The following RNF213 variants were observed in gnomAD, a reference collection of about 807,000 sequenced individuals.
RNF213 encodes the protein ring finger protein 213.
RNF213 carries 341 observed loss-of-function variants against 514.4 expected under a neutral mutation model. The ratio of observed to expected loss-of-function variants is 0.66; its 90% CI spans 0.61 to 0.73. The LOEUF is 0.73. Ranked by LOEUF, RNF213 falls within the 30% of genes least tolerant of loss-of-function variation. RNF213 has a pLI of 0.00. For missense variants in RNF213, 5,767 were observed against 6,615.6 expected, an observed-to-expected ratio of 0.87 and a Z score of 4.45; for synonymous variants, 2,655 against 2,658.2, an observed-to-expected ratio of 1.00 and a Z score of 0.04.
At chr17:80,382,835 C>A (rs2144610790) in intron 57 of RNF213, 144 bp from the exon 58 acceptor site, 1 of 660,520 alleles carries the variant, frequency 1.5e-6, no homozygotes, top group Admixed American at 2.3e-5. Context: ...ACAGGAACTA[C>A]TTCAAAATAC....
chr17:80,291,907 G>A, intron 8 of RNF213, 80 bp downstream of exon 8: 1 of 1,492,006 alleles, frequency 6.7e-7, no homozygotes, highest in Non-Finnish European at 9.2e-7. Context: ...CGTCTCTCTG[G>A]AGAGCACAGA....
At chr17:80,284,221 G>T (rs563091255) in intron 3 of RNF213, among the ~76,000 whole-genome samples, 1 of 152,142 alleles carries the variant, frequency 6.6e-6, no homozygotes, top group Admixed American at 6.5e-5. Flanking sequence ...AAAATTAGCC[G>T]GGCATGATGG....
rs540094757 is a variant in RNF213 at position 80,347,168 on chromosome 17, C to T, written c.8833C>T (p.Arg2945Cys). Residue 2945 changes from arginine to cysteine, a missense_variant, in exon 29 of 68, where the codon CGC becomes TGC. By Grantham distance (180) the Arg-to-Cys change is radical. Around this residue, in one of 13 missense-constraint regions of RNF213, gnomAD observed 919 missense variants for 1,121.0 expected, o/e 0.82. Transcript: ENST00000582970. The surrounding 1 kb of genome is among the most constrained non-coding windows in gnomAD (Gnocchi z 7.2). ...CAAAGCCTACGAAACGGTGTGTAAG[C>T]GCCAGGACAAGGAATTCTTCGGGCT... ...FAKAYETVCKRQDKEFFGLRD... is the reference protein window; with the variant it reads ...FAKAYETVCKCQDKEFFGLRD... 2.0e-4 allele frequency: 324 copies of T among 1,613,888 alleles called. 2 individuals carry two copies. The South Asian group carries it at 3.2e-3, about 16-fold the overall frequency.
chr17:80,383,957 C>T (rs199703548), intron 59 of RNF213, 29 bp downstream of exon 59: 2 of 1,614,066 alleles, frequency 1.2e-6, no homozygotes, highest in Non-Finnish European at 1.7e-6. Flanking sequence ...GGCTCCCTCC[C>T]TCTTTCGGTG....
chr17:80,382,486 T>G (rs1568164723), intron 57 of RNF213: 1 of 161,100 alleles, frequency 6.2e-6, no homozygotes, highest in Non-Finnish European at 1.4e-5. Context: ...GCATTCCTAT[T>G]TATTTTCCAT....
At chr17:80,291,957 C>A in intron 8 of RNF213, 130 bp downstream of exon 8, 1 of 948,538 alleles carries the variant, frequency 1.1e-6, no homozygotes, top group South Asian at 1.4e-5. Context: ...TCTGCATTGA[C>A]CCCGCCCCAG....
At chr17:80,308,002 T>C (rs1249936771) in intron 13 of RNF213, among the ~76,000 whole-genome samples, 1 of 152,106 alleles carries the variant, frequency 6.6e-6, no homozygotes, top group Non-Finnish European at 1.5e-5. Flanking sequence ...GCGTTCTGCA[T>C]TTTTTTAATA....
Position 80,334,130 on chromosome 17 carries a change from G to A in RNF213, c.4169G>A (p.Arg1390His), listed in dbSNP as rs752573417. Residue 1390 changes from arginine (R) to histidine (H), a missense_variant, in exon 22 of 68, where the codon CGT becomes CAT. Arg to His is a conservative substitution (Grantham distance 29). Transcript: ENST00000582970. ...ACTGATAACTTCGACGACTTTCGCC[G>A]TGAAACACTGGACCAGATCAACCAG... ...NFTDNFDDFR[R>H]ETLDQINQEL... 119 of 1,537,196 alleles carry A rather than the reference G, an allele frequency of 7.7e-5. No homozygotes were observed. The highest frequency in any genetic ancestry group is 8.8e-5 in the Non-Finnish European group (101 of 1,146,904).
Position 80,363,715 on chromosome 17 carries a change from C to G in RNF213, c.11675C>G (p.Pro3892Arg). Residue 3892 changes from proline to arginine, a missense_variant, in exon 41 of 68, where the codon CCG (proline) becomes CGG (arginine). Transcript: ENST00000582970. ...WLQLVKNLSM[P>R]LELICSDEHM... is the part of the protein sequence containing the mutation. ...CAGTTGGTGAAGAATCTTTCCATGC[C>G]GCTGGAGCTCATCTGCTCCGATGAG... 1.2e-6 allele frequency: 2 copies of G among 1,613,880 alleles called. No individual in the cohort carries two copies. Among genetic ancestry groups the G allele is most frequent in the Non-Finnish European group, 1.7e-6 (2 of 1,179,956 alleles).
intron 7 of RNF213, 68 bp from the exon 8 acceptor site, chr17:80,291,560 G>C (rs543919302): frequency 6.7e-7 from 1 of 1,490,282 alleles, no homozygotes; most frequent in Non-Finnish European, 9.4e-7. Context: ...TCCATGCTAC[G>C]TTTGAGAATA....
At chr17:80,290,821 T>C in intron 7 of RNF213, 93 bp downstream of exon 7, 2 of 1,459,748 alleles carry the variant, frequency 1.4e-6, no homozygotes, top group Non-Finnish European at 1.9e-6. Flanking sequence ...TTGTTTTTTT[T>C]TTTTCTGAGA....
intron 6 of RNF213, among the ~76,000 whole-genome samples, 200 bp from the exon 7 acceptor site, chr17:80,290,370 T>G (rs1432348717): frequency 1.3e-5 from 2 of 150,680 alleles, no homozygotes; most frequent in Non-Finnish European, 3.0e-5. Context: ...TGTGCGTGTG[T>G]GAGTGCGTGC....
At chr17:80,304,651 TAAA>T (rs529020118) in intron 11 of RNF213, among the ~76,000 whole-genome samples, 81 of 146,194 alleles carry the variant, frequency 5.5e-4, no homozygotes, top group African/African-American at 2.0e-3. Flanking sequence ...AATAAATAAA[TAAA>T]TAAATAATAA....
intron 36 of RNF213, among the ~76,000 whole-genome samples, chr17:80,355,727 G>A (rs1437835771): frequency 8.1e-6 from 1 of 123,228 alleles, no homozygotes; most frequent in Non-Finnish European, 1.7e-5. Flanking sequence ...GAAGCGGGGT[G>A]GACGGGAATG....
chr17:80,386,876 C>G lies in RNF213; in HGVS notation c.14907C>G (p.Pro4969=). ...TCAGCCGCTTCCTCCAGGGCAAGCC[C>G]CGGCTGAGCCTCAAGGTAGGGCTGA... ...QIVSRFLQGK[P]RLSLKGIPTL... Residue 4969 remains proline, a synonymous_variant, in exon 63 of 68, where the codon CCC becomes CCG. Coordinates refer to ENST00000582970, the MANE Select transcript of RNF213 (RefSeq NM_001256071.3). The G allele has an allele frequency of 6.2e-7, 1 of 1,612,892 alleles. No individual in the cohort carries two copies. The highest frequency in any genetic ancestry group is 8.5e-7 in the Non-Finnish European group (1 of 1,179,732).
intron 65 of RNF213, 42 bp from the exon 66 acceptor site, chr17:80,389,786 T>G (rs772777062): frequency 1.7e-4 from 257 of 1,519,376 alleles, no homozygotes; most frequent in Middle Eastern, 4.1e-4. Flanking sequence ...AGTGGGGGTG[T>G]GAGACCTCAG....
intron 20 of RNF213, among the ~76,000 whole-genome samples, chr17:80,331,523 G>A (rs139168662): frequency 6.6e-6 from 1 of 151,912 alleles, no homozygotes; most frequent in East Asian, 1.9e-4. Context: ...TGAGTAGCTG[G>A]GATTACAGGT....
chr17:80,364,691 T>C (rs2079190897), intron 42 of RNF213, 138 bp downstream of exon 42: 2 of 969,810 alleles, frequency 2.1e-6, no homozygotes, highest in South Asian at 1.4e-5. Flanking sequence ...AGGAAGGTGA[T>C]TTCATCACTA....
rs773151981 is a variant in RNF213, at chr17:80,386,682, C to A, written c.14721-8C>A. 1 of 1,613,958 alleles carries A rather than the reference C, an allele frequency of 6.2e-7. No individual in the cohort carries two copies. Among genetic ancestry groups the A allele is most frequent in the South Asian group, 1.1e-5 (1 of 91,082 alleles). On this transcript the variant is annotated splice_polypyrimidine_tract_variant and splice_region_variant and intron_variant, in intron 62 of 67. Coordinates refer to ENST00000582970, the MANE Select transcript of RNF213 (RefSeq NM_001256071.3). ...CTGGACGCTGAGCGCTGTCTTTCTGCCCCTCAGCTATTCCGTGGATGCCGC... is the reference window on the plus strand; with the variant it reads ...CTGGACGCTGAGCGCTGTCTTTCTGACCCTCAGCTATTCCGTGGATGCCGC...
Sources: gnomAD v4.1 joint callset for allele counts (sites outside exome capture counted in the v4.1 genomes callset) on GRCh38, gnomAD v4.1.1 for gene constraint, gnomAD v4.1.1 regional missense constraint, Gnocchi (gnomAD v3.1) non-coding constraint, MANE v1.5 for transcripts, NCBI Gene and HGNC (gene_info 2026-07-23, HGNC 2026-07-21) for gene names.